Variants in CDH13 observed in about 807,000 individuals in gnomAD.
CDH13 encodes cadherin-13.
Under a neutral mutation model 63.8 loss-of-function variants are expected in CDH13, and 24 were observed. The observed-to-expected ratio is 0.38, with a 90% CI of 0.27 to 0.53. CDH13 has a LOEUF of 0.53. CDH13 is among the 20% of genes least tolerant of loss of function. The pLI is 0.85. For missense variants in CDH13, 1,049 were observed against 903.1 expected, an observed-to-expected ratio of 1.16 and a Z score of -2.07; for synonymous variants, 503 against 355.3, an observed-to-expected ratio of 1.42 and a Z score of -4.67.
chr16:83,513,990 T>G (rs1234241037), intron 7 of CDH13, among the ~76,000 whole-genome samples: 1 of 152,106 alleles, frequency 6.6e-6, no homozygotes, highest in Non-Finnish European at 1.5e-5. Flanking sequence ...TCTTGTATGT[T>G]AAAAGTTCAT....
At chr16:83,566,219 A>T (rs1033309149) in intron 7 of CDH13, among the ~76,000 whole-genome samples, 2 of 152,056 alleles carry the variant, frequency 1.3e-5, no homozygotes, top group Non-Finnish European at 2.9e-5. Flanking sequence ...TTCTGCTTGC[A>T]GTGGAAGGAA....
chr16:82,997,148 G>GGCA (rs1912331239), intron 2 of CDH13, among the ~76,000 whole-genome samples: 2 of 149,686 alleles, frequency 1.3e-5, no homozygotes, highest in Admixed American at 6.6e-5. Flanking sequence ...TGATGATGGT[G>GGCA]ATGATGGTGA....
At chr16:83,090,853 T>C (rs1004221878) in intron 3 of CDH13, among the ~76,000 whole-genome samples, 4 of 151,406 alleles carry the variant, frequency 2.6e-5, no homozygotes, top group African/African-American at 9.7e-5. Context: ...TTTTAAGCTG[T>C]GGTGGTGTGA....
At chr16:82,763,084 C>T (rs1364693037) in intron 1 of CDH13, among the ~76,000 whole-genome samples, 1 of 152,190 alleles carries the variant, frequency 6.6e-6, no homozygotes, top group Non-Finnish European at 1.5e-5. Flanking sequence ...TTGGGCCTCA[C>T]CAGCCCCAGA....
intron 8 of CDH13, among the ~76,000 whole-genome samples, chr16:83,661,261 A>T (rs1913417189): frequency 6.6e-6 from 1 of 152,112 alleles, no homozygotes; most frequent in Non-Finnish European, 1.5e-5. Context: ...CCAAGACAGG[A>T]GGATCACTTG....
chr16:83,597,882 T>C (rs1163382585), intron 7 of CDH13, among the ~76,000 whole-genome samples: 2 of 152,222 alleles, frequency 1.3e-5, no homozygotes, highest in African/African-American at 4.8e-5. Flanking sequence ...CGTAAGAATT[T>C]GTACATACCT....
At chr16:82,872,663 G>T (rs978014704) in intron 2 of CDH13, among the ~76,000 whole-genome samples, 2 of 152,034 alleles carry the variant, frequency 1.3e-5, no homozygotes, top group Non-Finnish European at 2.9e-5. Flanking sequence ...AATTTTTTTG[G>T]CTTGAGAGCA....
Position 82,858,375 on chromosome 16 carries a change from C to G in CDH13, c.59C>G (p.Thr20Arg). The change falls in exon 2 of 14, where the codon ACA (threonine) becomes AGA (arginine). Residue 20 changes from threonine (T) to arginine (R), a missense_variant. Physicochemically the swap from Thr to Arg is moderately conservative, Grantham distance 71. Transcript: ENST00000567109. ...CVLLSQVLLL[T>R]SAEDLDCTPG... ...TGGTTTTCTCAGGTGCTGCTGCTAA[C>G]ATCTGCAGAAGATTTGGACTGCACT... 6.2e-7 allele frequency: 1 copy of G among 1,611,136 alleles called. No homozygotes were observed. Among genetic ancestry groups the G allele is most frequent in the Non-Finnish European group, 8.5e-7 (1 of 1,177,338 alleles).
chr16:83,143,701 C>T (rs2036630563), intron 4 of CDH13, among the ~76,000 whole-genome samples: 1 of 152,152 alleles, frequency 6.6e-6, no homozygotes. Flanking sequence ...AGCTCCTCTG[C>T]TGGGTGCTTC....
chr16:82,854,770 A>G (rs1415985009), intron 1 of CDH13, among the ~76,000 whole-genome samples: 1 of 152,212 alleles, frequency 6.6e-6, no homozygotes, highest in Non-Finnish European at 1.5e-5. Context: ...GCTCCCAGAG[A>G]GATCTATATT....
chr16:82,783,300 G>T (rs768273396), intron 1 of CDH13, among the ~76,000 whole-genome samples: 3 of 152,234 alleles, frequency 2.0e-5, no homozygotes, highest in Non-Finnish European at 4.4e-5. Flanking sequence ...GGCTAGCAGG[G>T]AGGGGAGGGG....
intron 2 of CDH13, among the ~76,000 whole-genome samples, chr16:83,015,253 CTATT>C (rs1314171967): frequency 6.6e-6 from 1 of 151,744 alleles, no homozygotes. Context: ...TTTAAAATGA[CTATT>C]AAATAATATG....
intron 1 of CDH13, among the ~76,000 whole-genome samples, chr16:82,689,278 G>C (rs1915398477): frequency 6.6e-6 from 1 of 151,980 alleles, no homozygotes; most frequent in Non-Finnish European, 1.5e-5. Flanking sequence ...GTTCCAGTGG[G>C]AATGGCTTTC....
At chr16:83,150,819 T>G (rs2036947479) in intron 4 of CDH13, among the ~76,000 whole-genome samples, 1 of 152,232 alleles carries the variant, frequency 6.6e-6, no homozygotes, top group Admixed American at 6.5e-5. Flanking sequence ...TCCCAAGTAT[T>G]TTGTGTGGTG....
chr16:83,257,521 C>G (rs1257496327), intron 5 of CDH13, among the ~76,000 whole-genome samples: 1 of 152,160 alleles, frequency 6.6e-6, no homozygotes, highest in Non-Finnish European at 1.5e-5. Flanking sequence ...GAAAATGTCT[C>G]AGGGAAAGGT....
chr16:82,677,648 G>A (rs985717159), intron 1 of CDH13, among the ~76,000 whole-genome samples: 1 of 152,126 alleles, frequency 6.6e-6, no homozygotes, highest in Middle Eastern at 3.2e-3. Flanking sequence ...GCAGGACTCT[G>A]ACCCGGGTCT....
intron 3 of CDH13, among the ~76,000 whole-genome samples, chr16:83,072,960 G>A (rs997488140): frequency 6.6e-6 from 1 of 152,208 alleles, no homozygotes; most frequent in Admixed American, 6.5e-5. Flanking sequence ...TTAAGATGAT[G>A]TGGCCTTTCA....
intron 6 of CDH13, among the ~76,000 whole-genome samples, chr16:83,428,507 G>A (rs2071987295): frequency 6.6e-6 from 1 of 152,110 alleles, no homozygotes. Flanking sequence ...TTCGTGGCAT[G>A]GAGATAACAA....
chr16:83,365,699 G>A (rs114209781), intron 6 of CDH13, among the ~76,000 whole-genome samples: 161 of 152,294 alleles, frequency 1.1e-3, no homozygotes, highest in African/African-American at 3.8e-3. Flanking sequence ...AGAAGAGGAA[G>A]GCAAGAGAGT....
Sources: allele counts gnomAD v4.1 joint callset (sites outside exome capture counted in the v4.1 genomes callset), GRCh38; gene constraint gnomAD v4.1.1; transcripts MANE v1.5; gene names NCBI Gene and HGNC (gene_info 2026-07-23, HGNC 2026-07-21).